Variants in UGT3A1 observed in about 807,000 individuals in gnomAD.
UGT3A1 encodes the protein UDP-glycosyltransferase 3A1.
UGT3A1 carries 40 observed loss-of-function variants against 37.6 expected under a neutral mutation model. That is an observed-to-expected ratio of 1.06 (90% confidence interval 0.83 to 1.38). The LOEUF (loss-of-function observed/expected upper bound fraction) is 1.38. UGT3A1 is among the 40% of genes most tolerant of loss of function. The pLI, the probability that UGT3A1 is intolerant of heterozygous loss-of-function variation, is 0.00. For synonymous variants in UGT3A1, 256 were observed against 232.3 expected, an observed-to-expected ratio of 1.10 and a Z score of -0.93; for missense variants, 642 against 634.2, an observed-to-expected ratio of 1.01 and a Z score of -0.13.
At position 35,988,483 on chromosome 5, in the gene UGT3A1, T is replaced by C; in HGVS notation, c.163A>G (p.Met55Val). 1.2e-6 allele frequency: 2 copies of C among 1,612,274 alleles called. No homozygotes were observed. Among genetic ancestry groups the C allele is most frequent in the Non-Finnish European group, 1.7e-6 (2 of 1,179,306 alleles). The part of the protein sequence containing the change: ...ILQEHGHNVT[M>V]LHQSGKFLIP... ...AAAAACTTTCCACTCTGATGAAGCA[T>C]AGTCACATTATGACCATGCTCTTGA... is the stretch of plus-strand genomic sequence containing the variant. The change falls in exon 2 of 7, where the codon ATG becomes GTG. Residue 55 changes from methionine (M) to valine (V), a missense_variant. Met to Val is a conservative substitution (Grantham distance 21). Transcript: ENST00000274278.
intron 2 of UGT3A1, among the ~76,000 whole-genome samples, chr5:35,973,316 G>A (rs544869242): frequency 1.3e-5 from 2 of 152,262 alleles, no homozygotes; most frequent in South Asian, 4.1e-4. Flanking sequence ...TACACCAAAA[G>A]AACAATATGT....
chr5:35,963,059 T>C (rs1034943776), intron 4 of UGT3A1: 43 of 641,838 alleles, frequency 6.7e-5, no homozygotes, highest in Admixed American at 1.8e-4. Flanking sequence ...CCATCTGTTG[T>C]CCCTGAGTCC....
chr5:35,991,416 C>T (rs1740949073), upstream of UGT3A1: 5 of 1,451,636 alleles, frequency 3.4e-6, no homozygotes, highest in Middle Eastern at 4.2e-4. Flanking sequence ...CGCTGCCCCT[C>T]CTCCCTGGGT....
chr5:35,988,372 A>G, intron 2 of UGT3A1, 78 bp downstream of exon 2: 1 of 1,015,694 alleles, frequency 9.8e-7, no homozygotes, highest in Non-Finnish European at 1.4e-6. Flanking sequence ...AGTTTTTACT[A>G]TGCAGCTGTA....
In UGT3A1 at chr5:35,974,337, T is replaced by C. The variant is rs567405655; in HGVS notation, c.197-6204A>G. Among the ~76,000 whole-genome samples, 30 of 152,264 alleles carry C rather than the reference T, an allele frequency of 2.0e-4. 1 individual carries two copies. Among genetic ancestry groups the C allele is most frequent in the Non-Finnish European group, 3.7e-4 (25 of 68,026 alleles). On this transcript the variant is annotated intron_variant, in intron 2 of 6. Transcript: ENST00000274278. ...AAATGCATAATTGGAATAGATATACTCGGTATTGGCAGAATAATCATGCTG... is the reference window on the plus strand; with the variant it reads ...AAATGCATAATTGGAATAGATATACCCGGTATTGGCAGAATAATCATGCTG...
At chr5:35,959,603 A>G (rs1158922520) in intron 4 of UGT3A1, among the ~76,000 whole-genome samples, 2 of 152,182 alleles carry the variant, frequency 1.3e-5, no homozygotes, top group Non-Finnish European at 2.9e-5. Context: ...GTGAACTTGA[A>G]GACAAATTAT....
At chr5:35,971,324 C>A (rs1740027367) in intron 2 of UGT3A1, among the ~76,000 whole-genome samples, 1 of 152,126 alleles carries the variant, frequency 6.6e-6, no homozygotes, top group South Asian at 2.1e-4. Flanking sequence ...AGGCATGGTG[C>A]TTCAGTTACA....
rs1313443913 is a variant in UGT3A1, at chr5:35,954,354, A to AG, written c.1419dup (p.Tyr474LeufsTer9). 10 of 1,614,202 alleles carry AG rather than the reference A, an allele frequency of 6.2e-6. No individual in the cohort carries two copies. ...TCATGCCAAGGCTGCTGGAAGGCAT[A>AG]GGGCTTGAGGTGCGTCGCTCCCCCA... On this transcript the variant is annotated frameshift_variant, in exon 7 of 7. Coordinates refer to ENST00000274278, the MANE Select transcript of UGT3A1 (RefSeq NM_152404.4). LOFTEE classifies it low-confidence loss of function (END_TRUNC).
chr5:35,986,798 A>G (rs1472707650), intron 2 of UGT3A1, among the ~76,000 whole-genome samples: 1 of 152,154 alleles, frequency 6.6e-6, no homozygotes, highest in Non-Finnish European at 1.5e-5. Context: ...AATCTATTGT[A>G]TGTTTCAAAG....
intron 5 of UGT3A1, 60 bp downstream of exon 5, chr5:35,957,128 A>G: frequency 6.9e-7 from 1 of 1,447,514 alleles, no homozygotes; most frequent in South Asian, 1.2e-5. Context: ...AGGTCAGAAC[A>G]CTGACGAGCA....
intron 2 of UGT3A1, among the ~76,000 whole-genome samples, chr5:35,970,612 C>T (rs1463079894): frequency 5.3e-5 from 8 of 152,136 alleles, no homozygotes; most frequent in Non-Finnish European, 8.8e-5. Flanking sequence ...CTGGGCATGG[C>T]TACTCTTAAC....
At chr5:35,994,191 T>C (rs1741036514), upstream of UGT3A1, among the ~76,000 whole-genome samples, 1 of 152,182 alleles carries the variant, frequency 6.6e-6, no homozygotes, top group Non-Finnish European at 1.5e-5. Flanking sequence ...TTCTTTTAAA[T>C]GACTAAAATT....
At chr5:35,958,264 G>T (rs181363293) in intron 4 of UGT3A1, among the ~76,000 whole-genome samples, 2 of 152,172 alleles carry the variant, frequency 1.3e-5, no homozygotes, top group African/African-American at 4.8e-5. Flanking sequence ...TTGTCCTCAG[G>T]TAATTCTTAA....
Position 35,988,556 on chromosome 5 carries a change from A to C in UGT3A1, c.95-5T>G. 6.3e-7 allele frequency: 1 copy of C among 1,599,544 alleles called. No homozygotes were observed. Among genetic ancestry groups the C allele is most frequent in the Non-Finnish European group, 8.5e-7 (1 of 1,170,478 alleles). ...ACAGTAGGTAATGGCTTCCACCTAG[A>C]AACAATGCACAATGTCTTTTGTAAA... On this transcript the variant is annotated splice_polypyrimidine_tract_variant and splice_region_variant and intron_variant, in intron 1 of 6. Coordinates refer to ENST00000274278, the MANE Select transcript of UGT3A1 (RefSeq NM_152404.4).
At chr5:35,977,676 C>G (rs1218094292) in intron 2 of UGT3A1, among the ~76,000 whole-genome samples, 1 of 152,242 alleles carries the variant, frequency 6.6e-6, no homozygotes, top group Non-Finnish European at 1.5e-5. Context: ...GCCTGCAGAA[C>G]TGTGAGTCAA....
intron 1 of UGT3A1, among the ~76,000 whole-genome samples, chr5:35,990,108 A>G (rs1246902883): frequency 6.6e-6 from 1 of 151,828 alleles, no homozygotes; most frequent in Non-Finnish European, 1.5e-5. Flanking sequence ...AAAAAAAAAA[A>G]GAAAGAAAAT....
intron 2 of UGT3A1, among the ~76,000 whole-genome samples, chr5:35,979,569 T>TAAAAAAAAAAAAAAAAAAA (rs150577097): frequency 6.6e-6 from 1 of 151,892 alleles, no homozygotes; most frequent in East Asian, 1.9e-4. Context: ...TTGTTTTTGT[T>TAAAAAAAAAAAAAAAAAAA]AAAAAAAATT....
In UGT3A1 at chr5:35,951,877, T is replaced by C. The variant is rs1739206707; in HGVS notation, c.*2325A>G. On this transcript the variant is annotated 3_prime_UTR_variant, in exon 7 of 7. Coordinates refer to ENST00000274278, the MANE Select transcript of UGT3A1 (RefSeq NM_152404.4). ...TCAGTTTTTGATATAGTGTGAAGTC[T>C]GGATCAAATATTGCCTTTTTTCTCA... 1 of 152,242 alleles carries C rather than the reference T, an allele frequency of 6.6e-6. No individual in the cohort carries two copies. Among genetic ancestry groups the C allele is most frequent in the Non-Finnish European group, 1.5e-5 (1 of 68,046 alleles). 9.4% of individuals were successfully genotyped at this position (152,242 alleles called of 1,614,324 possible).
chr5:35,977,535 C>T (rs888102713), intron 2 of UGT3A1, among the ~76,000 whole-genome samples: 6 of 152,036 alleles, frequency 3.9e-5, no homozygotes, highest in African/African-American at 1.2e-4. Context: ...GAGCTTAGCA[C>T]TTCCACCCAC....
Sources: allele counts gnomAD v4.1 joint callset (sites outside exome capture counted in the v4.1 genomes callset), GRCh38; gene constraint gnomAD v4.1.1; transcripts MANE v1.5; gene names NCBI Gene and HGNC (gene_info 2026-07-23, HGNC 2026-07-21).